The following RGS6 variants were observed in gnomAD, a reference collection of about 807,000 sequenced individuals.
RGS6 encodes the protein regulator of G-protein signaling 6.
Under a neutral mutation model 78.5 loss-of-function variants are expected in RGS6, and 30 were observed. The observed-to-expected ratio is 0.38, with a 90% CI of 0.29 to 0.52. RGS6 has a LOEUF of 0.52. Among genes scored for constraint, RGS6 ranks in the 20% least tolerant of loss-of-function variants. RGS6 has a pLI of 0.85. For missense variants in RGS6, 495 were observed against 609.7 expected, an observed-to-expected ratio of 0.81 and a Z score of 1.98; for synonymous variants, 206 against 206.0, an observed-to-expected ratio of 1.00 and a Z score of 0.00.
the RGS6 span, among the ~76,000 whole-genome samples, chr14:71,901,993 G>T: frequency 3.3e-5 from 5 of 152,142 alleles, no homozygotes; most frequent in Non-Finnish European, 7.3e-5. Flanking sequence ...TCTAGCCTTT[G>T]TAAAGATGTG....
At chr14:72,142,463 C>T (rs1314845397) in intron 2 of RGS6, among the ~76,000 whole-genome samples, 1 of 152,160 alleles carries the variant, frequency 6.6e-6, no homozygotes, top group Non-Finnish European at 1.5e-5. Flanking sequence ...CTTCGCCAGG[C>T]CTGCATGAAA....
At chr14:72,425,435 G>T (rs548801196) in intron 3 of RGS6, among the ~76,000 whole-genome samples, 69 of 152,136 alleles carry the variant, frequency 4.5e-4, no homozygotes, top group Non-Finnish European at 7.3e-4. Flanking sequence ...CACCGCAGCC[G>T]GCCAGAAGGG....
the RGS6 span, among the ~76,000 whole-genome samples, chr14:71,888,454 G>A: frequency 6.6e-6 from 1 of 151,522 alleles, no homozygotes; most frequent in African/African-American, 2.4e-5. Flanking sequence ...AAGAAAAAGA[G>A]AAGGGGGAAT....
chr14:72,514,695 A>G (rs535034026), intron 14 of RGS6, among the ~76,000 whole-genome samples: 46 of 152,372 alleles, frequency 3.0e-4, no homozygotes, highest in African/African-American at 1.0e-3. Context: ...GTGGTCTCCC[A>G]GATATTAGTC....
chr14:72,303,938 A>T (rs1427034136), intron 2 of RGS6, among the ~76,000 whole-genome samples: 3 of 152,194 alleles, frequency 2.0e-5, no homozygotes, highest in Non-Finnish European at 2.9e-5. Context: ...CTTCTACCAG[A>T]TATTCCCCCC....
At chr14:72,137,544 C>T (rs1348407352) in intron 2 of RGS6, among the ~76,000 whole-genome samples, 1 of 152,246 alleles carries the variant, frequency 6.6e-6, no homozygotes, top group Non-Finnish European at 1.5e-5. Flanking sequence ...ATTGGGGGTT[C>T]CCCCAGGCCC....
At chr14:71,873,976 G>T in the RGS6 span, among the ~76,000 whole-genome samples, 6 of 151,886 alleles carry the variant, frequency 4.0e-5, no homozygotes, top group African/African-American at 7.3e-5. Flanking sequence ...ATTTCTGAGG[G>T]CTCTGTTCTG....
chr14:72,147,584 G>A (rs2096622591), intron 2 of RGS6, among the ~76,000 whole-genome samples: 1 of 152,172 alleles, frequency 6.6e-6, no homozygotes, highest in African/African-American at 2.4e-5. Context: ...CTGTTGCATG[G>A]GGATTAGGTT....
At chr14:72,593,087 T>C in the RGS6 span, among the ~76,000 whole-genome samples, 1 of 151,924 alleles carries the variant, frequency 6.6e-6, no homozygotes, top group South Asian at 2.1e-4. Context: ...GCTGGAGGAG[T>C]GGCCATCCTT....
chr14:72,047,607 G>A (rs1250740878), intron 2 of RGS6, among the ~76,000 whole-genome samples: 2 of 152,188 alleles, frequency 1.3e-5, no homozygotes, highest in African/African-American at 4.8e-5. Flanking sequence ...TTTCTTATAC[G>A]AGTCTGCAGT....
intron 17 of RGS6, among the ~76,000 whole-genome samples, chr14:72,562,057 C>A (rs1445850165): frequency 3.9e-5 from 6 of 152,230 alleles, no homozygotes; most frequent in African/African-American, 9.6e-5. Context: ...TTTCCTCCCC[C>A]ACGTGAACAA....
intron 3 of RGS6, among the ~76,000 whole-genome samples, chr14:72,392,606 C>G (rs1441643590): frequency 6.6e-6 from 1 of 152,150 alleles, no homozygotes; most frequent in Non-Finnish European, 1.5e-5. Context: ...CAGGTGTGAG[C>G]TACAGAATGG....
Position 72,474,634 on chromosome 14 carries a change from G to A in RGS6, c.628G>A (p.Val210Met). Residue 210 changes from valine to methionine, a missense_variant, in exon 10 of 18, where the codon GTG becomes ATG. By Grantham distance (21) the Val-to-Met change is conservative. Coordinates refer to ENST00000553525, the MANE Select transcript of RGS6 (RefSeq NM_001204424.2). ...WDVHRPVPGC[V>M]NTTEMDIRKC... is the part of the protein sequence containing the mutation. ...GTTTTTTTTTTCTCAGCCAGGCTGT[G>A]TGAACACAACAGAAATGGATATCCG... The A allele has an allele frequency of 6.2e-7, 1 of 1,609,976 alleles. No homozygotes were observed. Among genetic ancestry groups the A allele is most frequent in the Non-Finnish European group, 8.5e-7 (1 of 1,178,560 alleles).
chr14:72,284,358 G>GC (rs536156282), intron 2 of RGS6, among the ~76,000 whole-genome samples: 70 of 102,866 alleles, frequency 6.8e-4, no homozygotes, highest in Middle Eastern at 5.1e-3. Flanking sequence ...AGGAAAAAAT[G>GC]GCCCCCCCAC....
chr14:72,182,416 C>CAA (rs34656799), intron 2 of RGS6, among the ~76,000 whole-genome samples: 23 of 106,336 alleles, frequency 2.2e-4, no homozygotes, highest in African/African-American at 5.0e-4. Flanking sequence ...GACTCCATCT[C>CAA]AAAAAAAAAA....
Position 72,474,704 on chromosome 14 carries a change from G to T in RGS6, c.693+5G>T, listed in dbSNP as rs753803861. On this transcript the variant is annotated splice_donor_5th_base_variant and intron_variant, in intron 10 of 17. Coordinates refer to ENST00000553525, the MANE Select transcript of RGS6 (RefSeq NM_001204424.2). ...AATCCACAAAAGGTTAAAAAGGTTC[G>T]CTAGTTTAGCTGAGTTAAAAATTCC... The T allele has an allele frequency of 6.2e-6, 10 of 1,612,518 alleles. No homozygotes were observed. Among genetic ancestry groups the T allele is most frequent in the Non-Finnish European group, 7.6e-6 (9 of 1,179,364 alleles).
chr14:71,978,246 C>A (rs11624181), intron 2 of RGS6, among the ~76,000 whole-genome samples: 7,748 of 132,184 alleles, frequency 0.059, 363 homozygotes, highest in Non-Finnish European at 0.095. Context: ...TAATTGAATA[C>A]CCTTTATTTC....
At chr14:72,015,950 T>C (rs1204319417) in intron 2 of RGS6, among the ~76,000 whole-genome samples, 1 of 152,224 alleles carries the variant, frequency 6.6e-6, no homozygotes, top group East Asian at 1.9e-4. Flanking sequence ...ATTTATAATC[T>C]AGTATTCTTT....
intron 2 of RGS6, among the ~76,000 whole-genome samples, chr14:72,242,534 A>T (rs1466381455): frequency 1.3e-5 from 2 of 152,212 alleles, no homozygotes; most frequent in Non-Finnish European, 2.9e-5. Flanking sequence ...GCTCAATAAT[A>T]GATAAATTTT....
Sources: allele counts gnomAD v4.1 joint callset (sites outside exome capture counted in the v4.1 genomes callset), GRCh38; gene constraint gnomAD v4.1.1; transcripts MANE v1.5; gene names NCBI Gene and HGNC (gene_info 2026-07-23, HGNC 2026-07-21).